Variants in CMIP observed in about 807,000 individuals in gnomAD.
The protein encoded by CMIP is c-Maf inducing protein.
In CMIP, 13 loss-of-function variants were observed where a neutral mutation model predicts 97.3. The ratio of observed to expected loss-of-function variants is 0.13; its 90% confidence interval spans 0.09 to 0.21. CMIP has a LOEUF of 0.21. Among genes scored for constraint, CMIP ranks in the 10% least tolerant of loss-of-function variants. The pLI, the probability that CMIP is intolerant of heterozygous loss-of-function variation, is 1.00. For missense variants in CMIP, 847 were observed against 1,024.9 expected, an observed-to-expected ratio of 0.83 and a Z score of 2.37; for synonymous variants, 538 against 436.3, an observed-to-expected ratio of 1.23 and a Z score of -2.91.
At chr16:81,626,788 A>AGTGTGTGT (rs1035341441) in intron 3 of CMIP, among the ~76,000 whole-genome samples, 1 of 63,164 alleles carries the variant, frequency 1.6e-5, no homozygotes, top group African/African-American at 5.5e-5. Context: ...AGAGAGAGAG[A>AGTGTGTGT]GTGTGTGTGT....
intron 1 of CMIP, among the ~76,000 whole-genome samples, chr16:81,479,393 G>T (rs115569060): frequency 3.1e-3 from 478 of 152,226 alleles, no homozygotes; most frequent in African/African-American, 0.01. Flanking sequence ...AGTTTTAAGT[G>T]TGCAGTTCAT....
chr16:81,662,039 G>C (rs1392469861), intron 6 of CMIP, among the ~76,000 whole-genome samples: 4 of 152,116 alleles, frequency 2.6e-5, no homozygotes, highest in African/African-American at 9.7e-5. Flanking sequence ...ACAGGCCCCG[G>C]GCTCCTCAGG....
chr16:81,640,738 A>ATGTGTGTGTG (rs751455480), intron 3 of CMIP, among the ~76,000 whole-genome samples: 119 of 139,034 alleles, frequency 8.6e-4, no homozygotes, highest in African/African-American at 3.0e-3. Context: ...TCTCTGGAGC[A>ATGTGTGTGTG]TGTGTGTGTG....
At chr16:81,657,847 C>T in intron 5 of CMIP, 31 bp downstream of exon 5, 2 of 1,572,186 alleles carry the variant, frequency 1.3e-6, no homozygotes, top group East Asian at 2.3e-5. Context: ...CTCCCTCCAC[C>T]CACCTCCGCC....
intron 16 of CMIP, among the ~76,000 whole-genome samples, 183 bp from the exon 17 acceptor site, chr16:81,702,439 C>T (rs1907523589): frequency 6.6e-6 from 1 of 152,118 alleles, no homozygotes; most frequent in Admixed American, 6.6e-5. Context: ...TGGGATCACC[C>T]TCCAGTAAAC....
At chr16:81,667,360 C>T (rs2092615137) in intron 7 of CMIP, 1 of 152,234 alleles carries the variant, frequency 6.6e-6, no homozygotes, top group African/African-American at 2.4e-5. Context: ...CCATGTATCT[C>T]TGTGCCCCCA....
intron 1 of CMIP, among the ~76,000 whole-genome samples, chr16:81,604,741 C>T (rs1299316774): frequency 1.3e-5 from 2 of 152,026 alleles, no homozygotes; most frequent in Non-Finnish European, 2.9e-5. Flanking sequence ...TTATTTATAC[C>T]CAACCTTTCC....
chr16:81,688,663 T>G (rs909309548), intron 10 of CMIP, among the ~76,000 whole-genome samples: 1 of 151,344 alleles, frequency 6.6e-6, no homozygotes, highest in African/African-American at 2.4e-5. Context: ...ATCAACTCTG[T>G]TTTTTTTTAA....
At chr16:81,474,711 C>T (rs565834597) in intron 1 of CMIP, among the ~76,000 whole-genome samples, 1 of 152,348 alleles carries the variant, frequency 6.6e-6, no homozygotes, top group Non-Finnish European at 1.5e-5. Flanking sequence ...GTTGGCCGTG[C>T]TCATGGCGCC....
intron 1 of CMIP, among the ~76,000 whole-genome samples, chr16:81,589,576 T>C (rs1429316594): frequency 5.9e-5 from 9 of 151,774 alleles, no homozygotes; most frequent in African/African-American, 2.2e-4. Flanking sequence ...TGCCGGGCAC[T>C]CTGGTCTCTC....
At chr16:81,525,296 A>C (rs574021306) in intron 1 of CMIP, among the ~76,000 whole-genome samples, 1 of 151,892 alleles carries the variant, frequency 6.6e-6, no homozygotes, top group South Asian at 2.1e-4. Flanking sequence ...GGCACCCGCC[A>C]TTATGCCTGG....
intron 1 of CMIP, among the ~76,000 whole-genome samples, chr16:81,503,350 G>A (rs1350604579): frequency 6.6e-6 from 1 of 152,168 alleles, no homozygotes; most frequent in Non-Finnish European, 1.5e-5. Flanking sequence ...CCTGGTCTCA[G>A]TGGATCACTG....
At chr16:81,449,672 C>CA (rs1272885796) in intron 1 of CMIP, among the ~76,000 whole-genome samples, 1 of 146,832 alleles carries the variant, frequency 6.8e-6, no homozygotes, top group African/African-American at 2.6e-5. Context: ...ACAGATTTCC[C>CA]CCCCCCCCTT....
intron 17 of CMIP, 41 bp from the exon 18 acceptor site, chr16:81,703,898 T>G: frequency 1.3e-6 from 2 of 1,568,800 alleles, no homozygotes; most frequent in Non-Finnish European, 1.7e-6. Context: ...TCTCGGGAAC[T>G]CCCAGCAGCA....
At chr16:81,620,771 C>T (rs1449033906) in intron 2 of CMIP, 105 bp from the exon 3 acceptor site, 52 of 1,347,140 alleles carry the variant, frequency 3.9e-5, no homozygotes, top group Non-Finnish European at 5.0e-5. Context: ...ACAGGGCAGA[C>T]GCTGTCTACA....
chr16:81,687,388 G>A lies in CMIP; in HGVS notation c.1389-4387G>A, dbSNP rs555594832. Reference sequence around the variant, plus strand: ...CTCACTTTATGTGTCACGGTTTTAAGCTCTGGGCCCTCAGAGGTGCCCAGG... The same window carrying A: ...CTCACTTTATGTGTCACGGTTTTAAACTCTGGGCCCTCAGAGGTGCCCAGG... On this transcript the variant is annotated intron_variant, in intron 10 of 20. Transcript: ENST00000537098. Among the ~76,000 whole-genome samples the A allele has an allele frequency of 3.3e-5, 5 of 152,328 alleles. No individual in the cohort carries two copies. In the South Asian group the frequency reaches 8.3e-4, roughly 25 times the overall value.
chr16:81,544,419 A>G (rs1329346930), intron 1 of CMIP, among the ~76,000 whole-genome samples: 1 of 146,028 alleles, frequency 6.8e-6, no homozygotes, highest in Non-Finnish European at 1.5e-5. Flanking sequence ...TCTCATCCTC[A>G]GGGGGTAAGT....
chr16:81,657,207 A>C (rs8061723), intron 4 of CMIP, among the ~76,000 whole-genome samples: 1 of 152,008 alleles, frequency 6.6e-6, no homozygotes, highest in Non-Finnish European at 1.5e-5. Flanking sequence ...CAACCTAATT[A>C]TGTTTTTGCA....
At chr16:81,566,882 G>T (rs192027433) in intron 1 of CMIP, among the ~76,000 whole-genome samples, 23 of 152,334 alleles carry the variant, frequency 1.5e-4, no homozygotes, top group African/African-American at 5.1e-4. Flanking sequence ...AAAGTAAAAT[G>T]AGTACATAGT....
Sources: allele counts gnomAD v4.1 joint callset (sites outside exome capture counted in the v4.1 genomes callset), GRCh38; gene constraint gnomAD v4.1.1; transcripts MANE v1.5; gene names NCBI Gene and HGNC (gene_info 2026-07-23, HGNC 2026-07-21).